The following NIBAN2 variants were observed in gnomAD, a reference collection of about 807,000 sequenced individuals.
NIBAN2 encodes the protein niban apoptosis regulator 2, also known as protein Niban 2.
NIBAN2 carries 36 observed loss-of-function variants against 81.8 expected under a neutral mutation model. The observed-to-expected ratio is 0.44, with a 90% CI of 0.34 to 0.58. NIBAN2 has a LOEUF of 0.58. NIBAN2 is among the 20% of genes least tolerant of loss of function. The pLI, the probability that NIBAN2 is intolerant of heterozygous loss-of-function variation, is 0.02. For synonymous variants in NIBAN2, 445 were observed against 441.6 expected (o/e 1.01, Z -0.10); for missense variants, 897 against 1,014.1 (o/e 0.88, Z 1.57).
Position 127,506,894 on chromosome 9 carries a change from G to T in NIBAN2, c.2192C>A (p.Ala731Asp). Reference protein sequence around the residue: ...EQVSSPSSHPALHTTTEDSAG... With the variant: ...EQVSSPSSHPDLHTTTEDSAG... ...ACTGTCCTCGGTGGTGGTGTGGAGG[G>T]CGGGGTGGCTGCTGGGGCTGGACAC... The change falls in exon 14 of 14, where the codon GCC (alanine) becomes GAC (aspartate). Residue 731 changes from alanine to aspartate, a missense_variant. Ala to Asp is a moderately radical substitution (Grantham distance 126). Transcript: ENST00000373312. 6.2e-7 allele frequency: 1 copy of T among 1,612,492 alleles called. No homozygotes were observed. Among genetic ancestry groups the T allele is most frequent in the African/African-American group, 1.3e-5 (1 of 75,010 alleles).
At position 127,576,882 on chromosome 9, in the gene NIBAN2, G is replaced by A. The variant is rs975245510; in HGVS notation, c.16+2040C>T. On this transcript the variant is annotated intron_variant, in intron 1 of 13. Coordinates refer to the NIBAN2 transcript ENST00000373314. ...TAATTTTTGTATTTTTAGTAGAGAC[G>A]GGGTTTCACCATGTTGACCAGACTA... is the stretch of plus-strand genomic sequence containing the variant. Among the ~76,000 whole-genome samples the A allele has an allele frequency of 1.1e-4, 17 of 151,516 alleles. No individual in the cohort carries two copies. In the South Asian group the frequency reaches 1.3e-3, roughly 11 times the overall value.
intron 1 of NIBAN2, among the ~76,000 whole-genome samples, chr9:127,557,960 T>A (rs956344444): frequency 6.6e-6 from 1 of 152,114 alleles, no homozygotes; most frequent in Non-Finnish European, 1.5e-5. Context: ...CACAGTGAGC[T>A]GTGACTGTCC....
At chr9:127,554,693 TG>T (rs1306886250) in intron 1 of NIBAN2, among the ~76,000 whole-genome samples, 1 of 151,876 alleles carries the variant, frequency 6.6e-6, no homozygotes, top group Non-Finnish European at 1.5e-5. Context: ...CTCGAGTAGC[TG>T]GGACCACAGG....
intron 1 of NIBAN2, among the ~76,000 whole-genome samples, chr9:127,575,115 G>T (rs7870483): frequency 1.3e-5 from 2 of 152,074 alleles, no homozygotes; most frequent in African/African-American, 4.8e-5. Flanking sequence ...TGGCACTGGG[G>T]GCCCCTGCCA....
At chr9:127,568,708 G>A (rs1302177649) in intron 1 of NIBAN2, 112 bp downstream of exon 1, 4 of 986,534 alleles carry the variant, frequency 4.1e-6, no homozygotes, top group Admixed American at 4.6e-5. Flanking sequence ...CCACCGGCCC[G>A]GCCTGACTCC....
At chr9:127,540,408 T>C (rs893983627) in intron 1 of NIBAN2, among the ~76,000 whole-genome samples, 5 of 152,122 alleles carry the variant, frequency 3.3e-5, no homozygotes, top group African/African-American at 1.2e-4. Flanking sequence ...TAAAAAGGCG[T>C]ATCCCGGAGG....
intron 8 of NIBAN2, 65 bp from the exon 9 acceptor site, chr9:127,510,398 C>G: frequency 7.7e-7 from 1 of 1,297,462 alleles, no homozygotes; most frequent in Non-Finnish European, 1.1e-6. Flanking sequence ...CATCCCAGAG[C>G]CCAGGTGCTG....
At chr9:127,510,446 AT>A (rs1051532191) in intron 8 of NIBAN2, 113 bp from the exon 9 acceptor site, 194 of 681,572 alleles carry the variant, frequency 2.8e-4, no homozygotes, top group South Asian at 5.6e-4. Context: ...TTATTATTAT[AT>A]TTTTTTTGAG....
Position 127,507,096 on chromosome 9 carries a change from C to G in NIBAN2, c.1990G>C (p.Glu664Gln). 1.3e-6 allele frequency: 2 copies of G among 1,578,820 alleles called. No individual in the cohort carries two copies. The highest frequency in any genetic ancestry group is 1.7e-6 in the Non-Finnish European group (2 of 1,162,682). Residue 664 changes from glutamate (E) to glutamine (Q), a missense_variant, in exon 14 of 14, where the codon GAG (glutamate) becomes CAG (glutamine). Physicochemically the swap from Glu to Gln is conservative, Grantham distance 29. Transcript: ENST00000373312. This position sits in a 1 kb window ranked among gnomAD's most constrained non-coding sequence, Gnocchi z 6.8. ...RGLLAQGLRP[E>Q]SPPPAGPLLN... The stretch of plus-strand genomic sequence containing the variant: ...AGGGGGCCGGCTGGTGGGGGGCTCT[C>G]AGGCCGCAGACCTTGGGCCAGCAGG...
chr9:127,544,866 T>C (rs555360851), intron 1 of NIBAN2, among the ~76,000 whole-genome samples: 2 of 152,298 alleles, frequency 1.3e-5, no homozygotes, highest in South Asian at 2.1e-4. Flanking sequence ...CCCTCATTCA[T>C]GGGCCAGCCA....
rs769781257 is a variant in NIBAN2 at position 127,510,118 on chromosome 9, C to A, written c.1161+28G>T. ...CAGACCAGACCTACTCTCAGGAGAC[C>A]CCCTCCTAGGGGCGGTGCCGGCCTC... On this transcript the variant is annotated intron_variant, in intron 9 of 13. Transcript: ENST00000373312. 2.1e-5 allele frequency: 34 copies of A among 1,583,928 alleles called. 1 individual carries two copies. The highest frequency in any genetic ancestry group is 1.9e-4 in the Admixed American group (11 of 58,320).
chr9:127,568,294 C>A (rs1310121042), intron 1 of NIBAN2, among the ~76,000 whole-genome samples: 1 of 152,194 alleles, frequency 6.6e-6, no homozygotes, highest in East Asian at 1.9e-4. Context: ...TCCCTGGCCC[C>A]ACTCCCCAGA....
At chr9:127,512,621 C>T (rs1425652887) in intron 8 of NIBAN2, among the ~76,000 whole-genome samples, 1 of 152,124 alleles carries the variant, frequency 6.6e-6, no homozygotes, top group African/African-American at 2.4e-5. Flanking sequence ...TCAGGTTTCC[C>T]TAAAATGTAT....
intron 2 of NIBAN2, among the ~76,000 whole-genome samples, chr9:127,529,622 AGAGT>A (rs1383016993): frequency 6.6e-6 from 1 of 152,254 alleles, no homozygotes; most frequent in African/African-American, 2.4e-5. Context: ...CCTGGGCAAC[AGAGT>A]GAGACTCTGA....
At chr9:127,569,342 G>C (rs535661389), upstream of NIBAN2, among the ~76,000 whole-genome samples, 25 of 151,840 alleles carry the variant, frequency 1.6e-4, no homozygotes, top group African/African-American at 5.3e-4. Context: ...TGGAGAAGGA[G>C]ACAAAGAGAA....
intron 5 of NIBAN2, among the ~76,000 whole-genome samples, chr9:127,521,514 G>A (rs1836940875): frequency 1.3e-5 from 2 of 152,176 alleles, no homozygotes; most frequent in African/African-American, 4.8e-5. Flanking sequence ...GGGTCCCTGG[G>A]ACCGCTGGTG....
chr9:127,565,613 T>C (rs545324775), intron 1 of NIBAN2, among the ~76,000 whole-genome samples: 35 of 151,038 alleles, frequency 2.3e-4, no homozygotes, highest in Non-Finnish European at 2.1e-4. Flanking sequence ...ACCAATATGG[T>C]GAAACCCCCG....
Position 127,507,543 on chromosome 9 carries a change from G to A in NIBAN2, c.1655-112C>T. 1 of 971,578 alleles carries A rather than the reference G, an allele frequency of 1.0e-6. No individual in the cohort carries two copies. Among genetic ancestry groups the A allele is most frequent in the Non-Finnish European group, 1.5e-6 (1 of 669,608 alleles). The allele number at this position is 971,578 out of a possible 1,614,324, so 60.2% of individuals were successfully genotyped here. On this transcript the variant is annotated intron_variant, in intron 13 of 13. Transcript: ENST00000373312. The surrounding 1 kb of genome is among the most constrained non-coding windows in gnomAD (Gnocchi z 6.8). ...CATCCCGCCTTGGGGGTCTGTGGTT[G>A]GGATGTGACTCATTCCAGGCCTCGT...
chr9:127,546,749 TCTCA>T (rs1837478679), intron 1 of NIBAN2, among the ~76,000 whole-genome samples: 1 of 151,680 alleles, frequency 6.6e-6, no homozygotes, highest in African/African-American at 2.4e-5. Context: ...TTTATGTTGC[TCTCA>T]CTCATTCATT....
Sources: allele counts gnomAD v4.1 joint callset (sites outside exome capture counted in the v4.1 genomes callset), GRCh38; gene constraint gnomAD v4.1.1; non-coding constraint Gnocchi (gnomAD v3.1); transcripts MANE v1.5; gene names NCBI Gene and HGNC (gene_info 2026-07-23, HGNC 2026-07-21).